CHTF8: variants seen among roughly 807,000 people sequenced by gnomAD.
CHTF8 encodes the protein chromosome transmission fidelity factor 8.
CHTF8 carries 6 observed loss-of-function variants against 11.0 expected under a neutral mutation model. The ratio of observed to expected loss-of-function variants is 0.55; its 90% CI spans 0.30 to 1.08. The LOEUF (loss-of-function observed/expected upper bound fraction) is 1.08, where lower values mean the gene tolerates loss of function less well. Ranked by LOEUF, CHTF8 falls within the 50% of genes least tolerant of loss-of-function variation. The pLI is 0.07. For synonymous variants in CHTF8, 53 were observed against 60.5 expected, an observed-to-expected ratio of 0.88 and a Z score of 0.57; for missense variants, 140 against 153.1, an observed-to-expected ratio of 0.91 and a Z score of 0.45.
At chr16:69,121,767 A>G (rs1359783234) in intron 1 of CHTF8, among the ~76,000 whole-genome samples, 1 of 151,978 alleles carries the variant, frequency 6.6e-6, no homozygotes, top group Non-Finnish European at 1.5e-5. Flanking sequence ...TCCGGGGTTC[A>G]TGCCATTCTC....
At chr16:69,121,731 G>A (rs1260477686) in intron 1 of CHTF8, among the ~76,000 whole-genome samples, 10 of 149,410 alleles carry the variant, frequency 6.7e-5, no homozygotes, top group Non-Finnish European at 1.0e-4. Context: ...GCAATGGCAC[G>A]ATCTCAGCTC....
intron 1 of CHTF8, chr16:69,131,941 G>C (rs1962557621): frequency 6.6e-6 from 1 of 152,024 alleles, no homozygotes; most frequent in Non-Finnish European, 1.5e-5. Context: ...ATGTTACCTG[G>C]AACAAAACCT....
chr16:69,123,012 G>A (rs907132570), intron 1 of CHTF8, among the ~76,000 whole-genome samples: 2 of 152,038 alleles, frequency 1.3e-5, no homozygotes, highest in African/African-American at 4.8e-5. Flanking sequence ...GCCCACCTTG[G>A]CCTCTCAAAG....
At position 69,121,435 on chromosome 16, in the gene CHTF8, C is replaced by G; in HGVS notation, c.23+1G>C. On this transcript the variant is annotated splice_donor_variant, in intron 2 of 3. Transcript: ENST00000448552. LOFTEE classifies it high-confidence loss of function. ...ATTTTAAAATCTCAAAATGTACTTA[C>G]CTGGAAATAACAATTTGCACCATGA... 6.2e-7 allele frequency: 1 copy of G among 1,607,248 alleles called. No individual in the cohort carries two copies. The highest frequency in any genetic ancestry group is 8.5e-7 in the Non-Finnish European group (1 of 1,177,966).
At chr16:69,130,783 C>T (rs1203621723) in intron 1 of CHTF8, among the ~76,000 whole-genome samples, 8 of 152,196 alleles carry the variant, frequency 5.3e-5, no homozygotes, top group Admixed American at 2.0e-4. Context: ...ACTGTGTTAG[C>T]ATATTAATGT....
chr16:69,132,563 C>A lies in CHTF8; in HGVS notation c.-115G>T. 2.6e-6 allele frequency: 1 copy of A among 384,810 alleles called. No individual in the cohort carries two copies. The highest frequency in any genetic ancestry group is 1.7e-5 in the South Asian group (1 of 57,540). The allele number at this position is 384,810 out of a possible 1,614,324, so 23.8% of individuals were successfully genotyped here. A position where few individuals can be genotyped will look rare whatever the true frequency, so the allele number is the denominator to read the frequency against. On this transcript the variant is annotated 5_prime_UTR_variant, in exon 1 of 4. Coordinates refer to ENST00000448552, the MANE Select transcript of CHTF8 (RefSeq NM_001039690.5). Reference sequence around the variant, plus strand: ...CCTCCCGCCGCCGTCGCCGCCGCCGCGAGCACTGCCTGCGCACTTCCGACT... The same window carrying A: ...CCTCCCGCCGCCGTCGCCGCCGCCGAGAGCACTGCCTGCGCACTTCCGACT...
rs992900381 is a variant in CHTF8 at position 69,119,427 on chromosome 16, C to G, written c.*998G>C. ...GGCCTATGGGGCCAGGAGCCCTTGACATGGGAGATGGATTTGGCCCTGGAA... is the reference window on the plus strand; with the variant it reads ...GGCCTATGGGGCCAGGAGCCCTTGAGATGGGAGATGGATTTGGCCCTGGAA... On this transcript the variant is annotated 3_prime_UTR_variant, in exon 4 of 4. Transcript: ENST00000448552. 1.4e-6 allele frequency: 1 copy of G among 702,782 alleles called. No individual in the cohort carries two copies. Among genetic ancestry groups the G allele is most frequent in the Non-Finnish European group, 2.6e-6 (1 of 384,968 alleles). The allele number at this position is 702,782 out of a possible 1,614,324, so 43.5% of individuals were successfully genotyped here. A position where few individuals can be genotyped will look rare whatever the true frequency, so the allele number is the denominator to read the frequency against.
At chr16:69,125,951 T>C (rs910654039) in intron 1 of CHTF8, among the ~76,000 whole-genome samples, 3 of 152,226 alleles carry the variant, frequency 2.0e-5, no homozygotes, top group African/African-American at 7.2e-5. Context: ...TGAGATGAAC[T>C]AAGTTTTTTG....
chr16:69,121,214 A>T, intron 2 of CHTF8, 44 bp from the exon 3 acceptor site: 1 of 1,550,042 alleles, frequency 6.5e-7, no homozygotes, highest in Non-Finnish European at 8.9e-7. Context: ...TGAGGGGTGA[A>T]GGATGAATAG....
At chr16:69,131,677 T>C (rs1238894618) in intron 1 of CHTF8, among the ~76,000 whole-genome samples, 1 of 148,626 alleles carries the variant, frequency 6.7e-6, no homozygotes, top group Non-Finnish European at 1.5e-5. Flanking sequence ...AACTATTCTT[T>C]AAACCGCCTT....
At chr16:69,121,929 A>G (rs1176552414) in intron 1 of CHTF8, among the ~76,000 whole-genome samples, 1 of 152,066 alleles carries the variant, frequency 6.6e-6, no homozygotes, top group Non-Finnish European at 1.5e-5. Flanking sequence ...TTGGCCTCCC[A>G]AAGTGCTGGG....
chr16:69,127,651 C>A (rs1269769103), intron 1 of CHTF8, among the ~76,000 whole-genome samples: 4 of 146,296 alleles, frequency 2.7e-5, no homozygotes, highest in Non-Finnish European at 6.0e-5. Flanking sequence ...CCTCTGTTGC[C>A]CAGGCTGGAG....
intron 1 of CHTF8, 32 bp downstream of exon 1, chr16:69,132,452 C>T (rs975301574): frequency 1.1e-5 from 2 of 182,294 alleles, no homozygotes; most frequent in Non-Finnish European, 2.1e-5. Context: ...TCGCTCCCCG[C>T]AGCCTCCCGT....
rs771594337 is a variant in CHTF8 at position 69,132,561 on chromosome 16, C to T, written c.-113G>A. Reference sequence around the variant, plus strand: ...AACCTCCCGCCGCCGTCGCCGCCGCCGCGAGCACTGCCTGCGCACTTCCGA... The same window carrying T: ...AACCTCCCGCCGCCGTCGCCGCCGCTGCGAGCACTGCCTGCGCACTTCCGA... On this transcript the variant is annotated 5_prime_UTR_variant, in exon 1 of 4. Coordinates refer to ENST00000448552, the MANE Select transcript of CHTF8 (RefSeq NM_001039690.5). 5.2e-6 allele frequency: 2 copies of T among 384,090 alleles called. No homozygotes were observed. Among genetic ancestry groups the T allele is most frequent in the South Asian group, 3.5e-5 (2 of 57,396 alleles). 23.8% of individuals were successfully genotyped at this position (384,090 alleles called of 1,614,324 possible).
In CHTF8 at chr16:69,132,550, G is replaced by T; in HGVS notation, c.-102C>A. 1 of 364,108 alleles carries T rather than the reference G, an allele frequency of 2.7e-6. No homozygotes were observed. The highest frequency in any genetic ancestry group is 1.8e-5 in the South Asian group (1 of 54,098). 22.6% of individuals were successfully genotyped at this position (364,108 alleles called of 1,614,324 possible). Reference sequence around the variant, plus strand: ...GGCGACAACCGAACCTCCCGCCGCCGTCGCCGCCGCCGCGAGCACTGCCTG... The same window carrying T: ...GGCGACAACCGAACCTCCCGCCGCCTTCGCCGCCGCCGCGAGCACTGCCTG... On this transcript the variant is annotated 5_prime_UTR_variant, in exon 1 of 4. Transcript: ENST00000448552.
rs1378879550 is a variant in CHTF8, at chr16:69,120,045, G to C, written c.*380C>G. The C allele has an allele frequency of 1.4e-6, 1 of 689,812 alleles. No individual in the cohort carries two copies. 42.7% of individuals were successfully genotyped at this position (689,812 alleles called of 1,614,324 possible). On this transcript the variant is annotated 3_prime_UTR_variant, in exon 4 of 4. Transcript: ENST00000448552. The surrounding 1 kb of genome is among the most constrained non-coding windows in gnomAD (Gnocchi z 4.0). ...GCAGAGCCCCTGTCCTAGGGTTTAG[G>C]GTGGGGCCTGGGCCTGGGCCTGGCC... is the stretch of plus-strand genomic sequence containing the variant.
chr16:69,128,039 C>G (rs549422897), intron 1 of CHTF8, among the ~76,000 whole-genome samples: 1 of 152,128 alleles, frequency 6.6e-6, no homozygotes, highest in African/African-American at 2.4e-5. Flanking sequence ...CTCAGCCTCC[C>G]GAGTAACTGG....
At chr16:69,128,660 T>TG (rs1274505653) in intron 1 of CHTF8, among the ~76,000 whole-genome samples, 1 of 152,178 alleles carries the variant, frequency 6.6e-6, no homozygotes, top group Non-Finnish European at 1.5e-5. Flanking sequence ...TGACCCACAA[T>TG]GGGAACCCTA....
intron 2 of CHTF8, 32 bp downstream of exon 2, chr16:69,121,404 A>G: frequency 1.3e-6 from 2 of 1,589,926 alleles, no homozygotes; most frequent in Non-Finnish European, 1.7e-6. Context: ...CATCATTTCA[A>G]GCCAAATTTT....
Sources: allele counts gnomAD v4.1 joint callset (sites outside exome capture counted in the v4.1 genomes callset), GRCh38; gene constraint gnomAD v4.1.1; non-coding constraint Gnocchi (gnomAD v3.1); transcripts MANE v1.5; gene names NCBI Gene and HGNC (gene_info 2026-07-23, HGNC 2026-07-21).